Variants in GPNMB observed in about 807,000 individuals in gnomAD.
The protein encoded by GPNMB is transmembrane glycoprotein NMB.
In GPNMB, 71 loss-of-function variants were observed where a neutral mutation model predicts 57.3. The ratio of observed to expected loss-of-function variants is 1.24; its 90% confidence interval spans 1.02 to 1.51. The LOEUF (loss-of-function observed/expected upper bound fraction) is 1.51. GPNMB is among the 40% of genes most tolerant of loss of function. The pLI is 0.00. For missense variants in GPNMB, 677 were observed against 691.9 expected, an observed-to-expected ratio of 0.98 and a Z score of 0.24; for synonymous variants, 253 against 263.2, an observed-to-expected ratio of 0.96 and a Z score of 0.38.
intron 6 of GPNMB, among the ~76,000 whole-genome samples, chr7:23,263,953 A>G (rs1402675432): frequency 6.6e-6 from 1 of 152,216 alleles, no homozygotes; most frequent in Non-Finnish European, 1.5e-5. Context: ...TGCAGGAGTG[A>G]GGCAGAAGCC....
In GPNMB at chr7:23,257,022, C is replaced by G; in HGVS notation, c.498C>G (p.Pro166=). The G allele has an allele frequency of 1.2e-6, 2 of 1,614,130 alleles. No individual in the cohort carries two copies. The highest frequency in any genetic ancestry group is 1.7e-6 in the Non-Finnish European group (2 of 1,179,948). Residue 166 remains proline (P), a synonymous_variant, in exon 4 of 11, where the codon CCC becomes CCG. Coordinates refer to ENST00000258733, the MANE Select transcript of GPNMB (RefSeq NM_002510.3). ...FPDGKPFPHH[P]GWRRWNFIYV... is the part of the protein sequence containing the mutation. The stretch of plus-strand genomic sequence containing the variant: ...ATGGGAAACCTTTTCCTCACCACCC[C>G]GGATGGAGAAGATGGAATTTCATCT...
Position 23,261,520 on chromosome 7 carries a change from C to T in GPNMB, c.1018+747C>T, listed in dbSNP as rs540699227. ...GCTGGAAACCATCATTCTGAGCAAA[C>T]TATCACAAGGACAGAAAACCAAACG... On this transcript the variant is annotated intron_variant, in intron 6 of 10. Transcript: ENST00000258733. 7.9e-5 allele frequency among the ~76,000 whole-genome samples: 12 copies of T among 152,230 alleles called. No homozygotes were observed. In the South Asian group the frequency reaches 2.3e-3, roughly 29 times the overall value.
rs146653062 is a variant in GPNMB, at chr7:23,271,188, G to A, written c.1429+1013G>A. Among the ~76,000 whole-genome samples, 809 of 152,344 alleles carry A rather than the reference G, an allele frequency of 5.3e-3. 7 individuals carry two copies. Among genetic ancestry groups the A allele is most frequent in the African/African-American group, 0.018 (744 of 41,584 alleles). ...TTCACAATAAGGTTTGCACTCCTAT[G>A]AGAATGTAATGTTGCCACTGAGATG... On this transcript the variant is annotated intron_variant, in intron 9 of 10. Transcript: ENST00000258733.
In GPNMB at chr7:23,253,385, A is replaced by G; in HGVS notation, c.149A>G (p.Asp50Gly). 1 of 1,614,022 alleles carries G rather than the reference A, an allele frequency of 6.2e-7. No homozygotes were observed. Among genetic ancestry groups the G allele is most frequent in the Non-Finnish European group, 8.5e-7 (1 of 1,179,882 alleles). The change falls in exon 2 of 11, where the codon GAT (aspartate) becomes GGT (glycine). Residue 50 changes from aspartate (D) to glycine (G), a missense_variant. Physicochemically the swap from Asp to Gly is moderately conservative, Grantham distance 94. Coordinates refer to ENST00000258733, the MANE Select transcript of GPNMB (RefSeq NM_002510.3). ...EHNQLNGWSS[D>G]ENDWNEKLYP... The stretch of plus-strand genomic sequence containing the variant: ...AATCAATTAAATGGCTGGTCTTCTG[A>G]TGAAAATGACTGGAATGAAAAACTC...
chr7:23,257,351 G>GA (rs1335714202), intron 4 of GPNMB: 6 of 573,318 alleles, frequency 1.0e-5, no homozygotes, highest in Non-Finnish European at 1.8e-5. Context: ...ACCATAACAA[G>GA]AAAAAATGCT....
intron 4 of GPNMB, 103 bp downstream of exon 4, chr7:23,257,168 T>A (rs1489754537): frequency 5.8e-6 from 6 of 1,031,172 alleles, no homozygotes; most frequent in Non-Finnish European, 9.2e-6. Context: ...AGAGAGTTAA[T>A]AACAGTCACC....
chr7:23,257,036 G>A lies in GPNMB; in HGVS notation c.512G>A (p.Trp171Ter). 6.2e-7 allele frequency: 1 copy of A among 1,614,168 alleles called. No individual in the cohort carries two copies. The highest frequency in any genetic ancestry group is 1.7e-5 in the Admixed American group (1 of 60,026). ...CCTCACCACCCCGGATGGAGAAGAT[G>A]GAATTTCATCTACGTCTTCCACACA... Reference protein sequence around the residue: ...PFPHHPGWRRWNFIYVFHTLG... With the variant: ...PFPHHPGWRR The change falls in exon 4 of 11, where the codon TGG (tryptophan) becomes TAG (stop). Residue 171 changes from tryptophan (W) to a stop codon, truncating the protein, a stop_gained. Coordinates refer to ENST00000258733, the MANE Select transcript of GPNMB (RefSeq NM_002510.3). LOFTEE classifies it high-confidence loss of function.
At chr7:23,255,332 A>G (rs769480743) in intron 3 of GPNMB, among the ~76,000 whole-genome samples, 1 of 152,136 alleles carries the variant, frequency 6.6e-6, no homozygotes, top group African/African-American at 2.4e-5. Context: ...TTGTCTTTCT[A>G]TGCCTAGCTT....
chr7:23,260,124 T>C lies in GPNMB; in HGVS notation c.686T>C (p.Val229Ala), dbSNP rs146153901. 2.6e-4 allele frequency: 417 copies of C among 1,613,958 alleles called. 2 individuals carry two copies. In the African/African-American group the frequency reaches 4.9e-3, roughly 19 times the overall value. ...AYVPIAQVKD[V>A]YVVTDQIPVF... The stretch of plus-strand genomic sequence containing the variant: ...GTTCCCATCGCACAAGTGAAAGATG[T>C]GTACGTGGTAACAGGTGAGTGGTGT... Residue 229 changes from valine (V) to alanine (A), a missense_variant, in exon 5 of 11, where the codon GTG becomes GCG. Coordinates refer to ENST00000258733, the MANE Select transcript of GPNMB (RefSeq NM_002510.3).
Position 23,260,677 on chromosome 7 carries a change from A to G in GPNMB, c.922A>G (p.Thr308Ala). 6.2e-7 allele frequency: 1 copy of G among 1,613,826 alleles called. No homozygotes were observed. Among genetic ancestry groups the G allele is most frequent in the Non-Finnish European group, 8.5e-7 (1 of 1,179,804 alleles). ...GAATCACACGTATGTGCTCAATGGA[A>G]CCTTCAGCCTTAACCTCACTGTGAA... Reference protein sequence around the residue: ...TVNHTYVLNGTFSLNLTVKAA... With the variant: ...TVNHTYVLNGAFSLNLTVKAA... The change falls in exon 6 of 11, where the codon ACC becomes GCC. Residue 308 changes from threonine (T) to alanine (A), a missense_variant. By Grantham distance (58) the Thr-to-Ala change is moderately conservative (BLOSUM62 0). Transcript: ENST00000258733.
chr7:23,271,966 T>C (rs371266681), intron 9 of GPNMB, among the ~76,000 whole-genome samples: 4 of 152,198 alleles, frequency 2.6e-5, no homozygotes, highest in Non-Finnish European at 1.5e-5. Context: ...GGTGCAGATT[T>C]AAAAGCAAAA....
chr7:23,248,780 T>G (rs1782596243), intron 1 of GPNMB, among the ~76,000 whole-genome samples: 1 of 151,956 alleles, frequency 6.6e-6, no homozygotes, highest in Non-Finnish European at 1.5e-5. Context: ...TATTGGGTTT[T>G]TTTTTTTTTA....
chr7:23,254,063 G>C (rs1583816918), intron 2 of GPNMB, 106 bp from the exon 3 acceptor site: 4 of 819,622 alleles, frequency 4.9e-6, no homozygotes, highest in Non-Finnish European at 7.3e-6. Flanking sequence ...ATATTATAAA[G>C]AGGCATATGG....
At chr7:23,266,691 T>C in intron 7 of GPNMB, 76 bp downstream of exon 7, 2 of 1,382,966 alleles carry the variant, frequency 1.4e-6, no homozygotes, top group Non-Finnish European at 2.0e-6. Flanking sequence ...CTGCTAACTC[T>C]GAAGGGGTAG....
intron 1 of GPNMB, chr7:23,247,715 G>A (rs1455785519): frequency 1.3e-5 from 2 of 152,306 alleles, no homozygotes; most frequent in Non-Finnish European, 2.9e-5. Context: ...GCAGAGGCCT[G>A]AGACGTGGGC....
rs768163052 is a variant in GPNMB at position 23,257,153 on chromosome 7, A to G, written c.541+88A>G. ...TTCTTACTCTATAATTGAGAATGAT[A>G]ACACAGAGAGTTAATAACAGTCACC... On this transcript the variant is annotated intron_variant, in intron 4 of 10. Transcript: ENST00000258733. 2.6e-6 allele frequency: 3 copies of G among 1,145,100 alleles called. No individual in the cohort carries two copies. The Admixed American group carries it at 5.1e-5, about 19-fold the overall frequency. The allele number at this position is 1,145,100 out of a possible 1,614,324, so 70.9% of individuals were successfully genotyped here.
Position 23,253,387 on chromosome 7 carries a change from G to A in GPNMB, c.151G>A (p.Glu51Lys), listed in dbSNP as rs1721391908. 2 of 1,613,890 alleles carry A rather than the reference G, an allele frequency of 1.2e-6. No homozygotes were observed. Among genetic ancestry groups the A allele is most frequent in the Non-Finnish European group, 1.7e-6 (2 of 1,179,888 alleles). ...HNQLNGWSSD[E>K]NDWNEKLYPV... The stretch of plus-strand genomic sequence containing the variant: ...TCAATTAAATGGCTGGTCTTCTGAT[G>A]AAAATGACTGGAATGAAAAACTCTA... Residue 51 changes from glutamate (E) to lysine (K), a missense_variant, in exon 2 of 11, where the codon GAA becomes AAA. By Grantham distance (56) the Glu-to-Lys change is moderately conservative. Coordinates refer to ENST00000258733, the MANE Select transcript of GPNMB (RefSeq NM_002510.3).
At chr7:23,259,213 G>T (rs868085844) in intron 4 of GPNMB, among the ~76,000 whole-genome samples, 6 of 152,188 alleles carry the variant, frequency 3.9e-5, no homozygotes, top group Middle Eastern at 3.4e-3. Context: ...TTGAGACAGA[G>T]TCTCGCTCTG....
chr7:23,264,341 T>C (rs1171426443), intron 6 of GPNMB, among the ~76,000 whole-genome samples: 3 of 152,126 alleles, frequency 2.0e-5, no homozygotes, highest in Non-Finnish European at 4.4e-5. Flanking sequence ...ATAGACACAA[T>C]GTTTGCGAAG....
Sources: allele counts gnomAD v4.1 joint callset (sites outside exome capture counted in the v4.1 genomes callset), GRCh38; gene constraint gnomAD v4.1.1; transcripts MANE v1.5; gene names NCBI Gene and HGNC (gene_info 2026-07-23, HGNC 2026-07-21).